The following CRMP1 variants were observed in gnomAD, a reference collection of about 807,000 sequenced individuals.
The protein encoded by CRMP1 is collapsin response mediator protein 1, also known as dihydropyrimidinase-related protein 1.
A neutral mutation model predicts 68.3 loss-of-function variants in CRMP1; 19 were observed. The observed-to-expected ratio is 0.28, with a 90% CI of 0.19 to 0.41. The LOEUF is 0.41. CRMP1 is among the 10% of genes least tolerant of loss of function. The probability of loss-of-function intolerance (pLI) is 1.00; values close to 1 mark genes in which losing one functional copy is unlikely to be tolerated. For missense variants in CRMP1, 791 were observed against 967.4 expected (o/e 0.82, Z 2.42); for synonymous variants, 439 against 399.6 (o/e 1.10, Z -1.18).
At chr4:5,824,424 A>G in intron 13 of CRMP1, 2 of 985,420 alleles carry the variant, frequency 2.0e-6, no homozygotes, top group African/African-American at 1.7e-5. Flanking sequence ...TCACTGAATC[A>G]GACACTTCCT....
intron 13 of CRMP1, among the ~76,000 whole-genome samples, chr4:5,823,682 C>T (rs550131248): frequency 1.6e-4 from 25 of 152,310 alleles, no homozygotes; most frequent in African/African-American, 6.0e-4. Flanking sequence ...GTGATCTCTG[C>T]ACACGCTAGC....
At position 5,839,515 on chromosome 4, in the gene CRMP1, G is replaced by C; in HGVS notation, c.1310+7C>G. The C allele has an allele frequency of 6.2e-7, 1 of 1,603,466 alleles. No individual in the cohort carries two copies. The highest frequency in any genetic ancestry group is 8.5e-7 in the Non-Finnish European group (1 of 1,175,160). On this transcript the variant is annotated splice_region_variant and intron_variant, in intron 9 of 13. Transcript: ENST00000324989. ...CTCCCCCAGCCCCACGTTCTCACAGGTCTCACCAGGCCAGTAGGGAGGTCA... is the reference window on the plus strand; with the variant it reads ...CTCCCCCAGCCCCACGTTCTCACAGCTCTCACCAGGCCAGTAGGGAGGTCA...
In CRMP1 at chr4:5,858,636, G is replaced by C. The variant is rs1364310262; in HGVS notation, c.656-2329C>G. On this transcript the variant is annotated intron_variant, in intron 3 of 13. Transcript: ENST00000324989. The surrounding 1 kb of genome is among the most constrained non-coding windows in gnomAD (Gnocchi z 5.5). ...ACGCAATCGCCTCCCAACTGGTCCA[G>C]ACACATCCCATCCAGGCCACTCTAT... is the stretch of plus-strand genomic sequence containing the variant. 6.6e-6 allele frequency among the ~76,000 whole-genome samples: 1 copy of C among 152,104 alleles called. No homozygotes were observed. Among genetic ancestry groups the C allele is most frequent in the African/African-American group, 2.4e-5 (1 of 41,404 alleles).
intron 1 of CRMP1, among the ~76,000 whole-genome samples, chr4:5,868,281 A>C (rs6446404): frequency 0.013 from 1,199 of 89,048 alleles, 40 homozygotes; most frequent in African/African-American, 0.053. Flanking sequence ...ATATATATAT[A>C]TATATATATA....
chr4:5,867,743 A>G (rs1248072196), intron 1 of CRMP1, among the ~76,000 whole-genome samples: 1 of 152,172 alleles, frequency 6.6e-6, no homozygotes. Flanking sequence ...CCTGCCATGG[A>G]AGCCAACCAA....
intron 13 of CRMP1, among the ~76,000 whole-genome samples, chr4:5,822,510 T>A (rs1577713112): frequency 6.6e-6 from 1 of 151,016 alleles, no homozygotes; most frequent in South Asian, 2.1e-4. Flanking sequence ...GGGGGTGGTG[T>A]GCAGAGGTTC....
At chr4:5,848,724 A>C (rs1209238807) in intron 6 of CRMP1, among the ~76,000 whole-genome samples, 1 of 152,216 alleles carries the variant, frequency 6.6e-6, no homozygotes, top group Non-Finnish European at 1.5e-5. Context: ...TGGGAAATCT[A>C]ATAACAAGGT....
intron 9 of CRMP1, among the ~76,000 whole-genome samples, chr4:5,837,995 G>A (rs1371816059): frequency 6.6e-6 from 1 of 152,318 alleles, no homozygotes; most frequent in South Asian, 2.1e-4. Context: ...GCACATGGGC[G>A]CTGTTAGAGT....
At position 5,842,980 on chromosome 4, in the gene CRMP1, G is replaced by C; in HGVS notation, c.1032+113C>G. 1 of 988,938 alleles carries C rather than the reference G, an allele frequency of 1.0e-6. No individual in the cohort carries two copies. Among genetic ancestry groups the C allele is most frequent in the Non-Finnish European group, 1.6e-6 (1 of 628,006 alleles). The allele number at this position is 988,938 out of a possible 1,614,324, so 61.3% of individuals were successfully genotyped here. A position where few individuals can be genotyped will look rare whatever the true frequency, so the allele number is the denominator to read the frequency against. ...AACAAGATGGTTTGGGATGGTCTGG[G>C]AGAGGACACGGGAAGAGGCCGGGTC... On this transcript the variant is annotated intron_variant, in intron 7 of 13. Transcript: ENST00000324989. This position sits in a 1 kb window ranked among gnomAD's most constrained non-coding sequence, Gnocchi z 4.5.
intron 3 of CRMP1, among the ~76,000 whole-genome samples, chr4:5,856,951 C>CCACCACCATCCACTATCAT (rs1713136550): frequency 2.7e-5 from 4 of 145,484 alleles, no homozygotes; most frequent in Non-Finnish European, 4.4e-5. Context: ...ATCACCATCA[C>CCACCACCATCCACTATCAT]CACCACCATC....
chr4:5,888,895 C>A lies in CRMP1; in HGVS notation c.381+3694G>T, dbSNP rs892269713. Reference sequence around the variant, plus strand: ...CAAGCTGCTGGGAACGTTCTTGTCCCTCCAGGATCGCGCCCAAGGACCGCT... The same window carrying A: ...CAAGCTGCTGGGAACGTTCTTGTCCATCCAGGATCGCGCCCAAGGACCGCT... On this transcript the variant is annotated intron_variant, in intron 1 of 13. Transcript: ENST00000324989. This position sits in a 1 kb window ranked among gnomAD's most constrained non-coding sequence, Gnocchi z 6.4. Among the ~76,000 whole-genome samples the A allele has an allele frequency of 6.6e-6, 1 of 151,960 alleles. No homozygotes were observed. The highest frequency in any genetic ancestry group is 1.5e-5 in the Non-Finnish European group (1 of 67,976).
In CRMP1 at chr4:5,861,296, A is replaced by C. The variant is rs1417825325; in HGVS notation, c.471-86T>G. On this transcript the variant is annotated intron_variant, in intron 2 of 13. Coordinates refer to ENST00000324989, the MANE Select transcript of CRMP1 (RefSeq NM_001014809.3). This position sits in a 1 kb window ranked among gnomAD's most constrained non-coding sequence, Gnocchi z 6.0. The stretch of plus-strand genomic sequence containing the variant: ...CCCGCAGCTTCAGTTCCATGAAATA[A>C]ACATTTCTGAGCCAGGCCCTTCACA... 2.9e-6 allele frequency: 4 copies of C among 1,397,528 alleles called. No individual in the cohort carries two copies. Among genetic ancestry groups the C allele is most frequent in the Non-Finnish European group, 3.9e-6 (4 of 1,016,800 alleles). 86.6% of individuals were successfully genotyped at this position (1,397,528 alleles called of 1,614,324 possible). A position where few individuals can be genotyped will look rare whatever the true frequency, so the allele number is the denominator to read the frequency against.
intron 12 of CRMP1, 57 bp downstream of exon 12, chr4:5,828,432 G>A: frequency 6.3e-7 from 1 of 1,583,998 alleles, no homozygotes; most frequent in Non-Finnish European, 8.6e-7. Context: ...GATTCCCCAA[G>A]AGACGCTGTC....
chr4:5,868,252 A>ACTATATATCTATATATATAT (rs1560513062), intron 1 of CRMP1, among the ~76,000 whole-genome samples: 2 of 102,448 alleles, frequency 2.0e-5, no homozygotes, highest in African/African-American at 3.7e-5. Context: ...ATTCTTCATG[A>ACTATATATCTATATATATAT]CTATATATCT....
chr4:5,824,175 C>A lies in CRMP1; in HGVS notation c.1969+1319G>T, dbSNP rs142473967. 1.6e-3 allele frequency: 587 copies of A among 365,038 alleles called. 3 individuals are homozygous for A. Among genetic ancestry groups the A allele is most frequent in the African/African-American group, 0.012 (562 of 45,258 alleles). The allele number at this position is 365,038 out of a possible 1,614,324, so 22.6% of individuals were successfully genotyped here. A position where few individuals can be genotyped will look rare whatever the true frequency, so the allele number is the denominator to read the frequency against. On this transcript the variant is annotated intron_variant, in intron 13 of 13. Coordinates refer to ENST00000324989, the MANE Select transcript of CRMP1 (RefSeq NM_001014809.3). ...TTGTGCAGTGTTTAATTGCATAACTCCAGAACAGTGGTCCAGTTTGCAAAC... is the reference window on the plus strand; with the variant it reads ...TTGTGCAGTGTTTAATTGCATAACTACAGAACAGTGGTCCAGTTTGCAAAC...
chr4:5,848,407 G>C (rs913247666), intron 6 of CRMP1, among the ~76,000 whole-genome samples: 1 of 152,164 alleles, frequency 6.6e-6, no homozygotes, highest in African/African-American at 2.4e-5. Flanking sequence ...TGGCCAGGCT[G>C]GTCTCACACT....
At chr4:5,862,908 C>T (rs114511504) in intron 2 of CRMP1, among the ~76,000 whole-genome samples, 2,999 of 152,192 alleles carry the variant, frequency 0.02, 55 homozygotes, top group South Asian at 0.045. Context: ...TGGGCTCAAG[C>T]GATCCTCCCG....
chr4:5,838,738 T>C lies in CRMP1; in HGVS notation c.1310+784A>G, dbSNP rs1366274831. Among the ~76,000 whole-genome samples, 1 of 152,086 alleles carries C rather than the reference T, an allele frequency of 6.6e-6. No homozygotes were observed. Among genetic ancestry groups the C allele is most frequent in the Non-Finnish European group, 1.5e-5 (1 of 68,000 alleles). ...TTCTGTATCATCAGGGGGATGGTGA[T>C]TTCCACGTGGGCGCACACCACTGCC... is the stretch of plus-strand genomic sequence containing the variant. On this transcript the variant is annotated intron_variant, in intron 9 of 13. Coordinates refer to ENST00000324989, the MANE Select transcript of CRMP1 (RefSeq NM_001014809.3). The surrounding 1 kb of genome is among the most constrained non-coding windows in gnomAD (Gnocchi z 4.9).
chr4:5,853,323 G>C lies in CRMP1; in HGVS notation c.821-1854C>G, dbSNP rs1712804057. Among the ~76,000 whole-genome samples, 1 of 152,160 alleles carries C rather than the reference G, an allele frequency of 6.6e-6. No homozygotes were observed. Among genetic ancestry groups the C allele is most frequent in the Non-Finnish European group, 1.5e-5 (1 of 68,032 alleles). ...AGCTACTTGGGAGGCTGAGGGGGAA[G>C]AATCACTTTAACCTGGGAGGCAGTG... On this transcript the variant is annotated intron_variant, in intron 4 of 13. Coordinates refer to ENST00000324989, the MANE Select transcript of CRMP1 (RefSeq NM_001014809.3). The surrounding 1 kb of genome is among the most constrained non-coding windows in gnomAD (Gnocchi z 4.7).
Sources: gnomAD v4.1 joint callset for allele counts (sites outside exome capture counted in the v4.1 genomes callset) on GRCh38, gnomAD v4.1.1 for gene constraint, Gnocchi (gnomAD v3.1) non-coding constraint, MANE v1.5 for transcripts, NCBI Gene and HGNC (gene_info 2026-07-23, HGNC 2026-07-21) for gene names.